KRABD1: variants seen among roughly 807,000 people sequenced by gnomAD.
KRABD1 encodes KRAB domain containing 1, also known as KRAB domain-containing protein 1.
At chr3:42,942,502 T>A in the KRABD1 span, 1 of 575,660 alleles carries the variant, frequency 1.7e-6, no homozygotes, top group Admixed American at 3.5e-5. Flanking sequence ...TGAAATATTT[T>A]AAGCTTACAG....
At chr3:42,937,411 C>G in the KRABD1 span, 1 of 152,198 alleles carries the variant, frequency 6.6e-6, no homozygotes, top group African/African-American at 2.4e-5. Flanking sequence ...AGATTGTCAG[C>G]TGTGCAGATC....
At chr3:42,942,094 TCTC>T in the KRABD1 span, 1 of 1,456,312 alleles carries the variant, frequency 6.9e-7, no homozygotes, top group Non-Finnish European at 9.3e-7. Flanking sequence ...AGAGGGTTCT[TCTC>T]CAGCTTTGTC....
At chr3:42,941,280 A>T in the KRABD1 span, 1 of 1,594,356 alleles carries the variant, frequency 6.3e-7, no homozygotes, top group Non-Finnish European at 8.5e-7. Context: ...GGAATGGGCC[A>T]TCATGGTGCC....
chr3:42,942,036 T>TC, the KRABD1 span: 1 of 1,535,572 alleles, frequency 6.5e-7, no homozygotes, highest in Non-Finnish European at 8.7e-7. Context: ...CCACAGGGAG[T>TC]CCTAAGCAGG....
the KRABD1 span, chr3:42,942,764 C>T: frequency 2.6e-6 from 1 of 391,954 alleles, no homozygotes; most frequent in Non-Finnish European, 4.5e-6. Context: ...GTTTTTCATT[C>T]ATTAAAATAA....
the KRABD1 span, chr3:42,938,351 T>C: frequency 6.6e-6 from 1 of 152,382 alleles, no homozygotes; most frequent in Non-Finnish European, 1.5e-5. Context: ...TGTTCAACTT[T>C]CATTACTTCA....
At chr3:42,940,356 A>G in the KRABD1 span, among the ~76,000 whole-genome samples, 5 of 152,238 alleles carry the variant, frequency 3.3e-5, no homozygotes, top group East Asian at 3.8e-4. Context: ...CCAGTATTCC[A>G]TGACACTCAC....
At chr3:42,941,900 A>T in the KRABD1 span, 1 of 1,080,812 alleles carries the variant, frequency 9.3e-7, no homozygotes, top group Non-Finnish European at 1.4e-6. Flanking sequence ...CCACAGGCTT[A>T]AATTTGACCC....
chr3:42,938,971 G>GT, the KRABD1 span: 1 of 1,457,076 alleles, frequency 6.9e-7, no homozygotes, highest in Non-Finnish European at 9.2e-7. Context: ...ATCCCTGTGT[G>GT]TATATACATA....
chr3:42,937,344 T>C, the KRABD1 span: 1 of 152,346 alleles, frequency 6.6e-6, no homozygotes, highest in African/African-American at 2.4e-5. Flanking sequence ...GGGAGTGTTT[T>C]GTGTTTTGTA....
the KRABD1 span, among the ~76,000 whole-genome samples, chr3:42,940,963 G>C: frequency 6.6e-6 from 1 of 152,322 alleles, no homozygotes; most frequent in African/African-American, 2.4e-5. Flanking sequence ...CAGCTTCAGC[G>C]TCTGTGGAGG....
At chr3:42,942,045 G>A in the KRABD1 span, 2 of 1,535,976 alleles carry the variant, frequency 1.3e-6, no homozygotes, top group Middle Eastern at 1.7e-4. Flanking sequence ...GTCCTAAGCA[G>A]GAATGACTGG....
At chr3:42,939,450 C>T in the KRABD1 span, among the ~76,000 whole-genome samples, 1 of 152,118 alleles carries the variant, frequency 6.6e-6, no homozygotes, top group Admixed American at 6.5e-5. Flanking sequence ...GATAATAGCA[C>T]ATTTTATTCA....
chr3:42,942,105 G>A, the KRABD1 span: 1 of 1,397,922 alleles, frequency 7.2e-7, no homozygotes, highest in South Asian at 1.2e-5. Flanking sequence ...CTCCAGCTTT[G>A]TCTCTTCCTT....
chr3:42,942,273 A>G, the KRABD1 span, among the ~76,000 whole-genome samples: 6 of 152,066 alleles, frequency 3.9e-5, no homozygotes, highest in African/African-American at 1.4e-4. Flanking sequence ...TGTATTTCAC[A>G]CACTGGGATG....
chr3:42,941,573 A>G, the KRABD1 span, among the ~76,000 whole-genome samples: 1 of 152,058 alleles, frequency 6.6e-6, no homozygotes, highest in Admixed American at 6.6e-5. Flanking sequence ...GGCTTGAGCT[A>G]TATCTTGATA....
the KRABD1 span, chr3:42,939,052 A>G: frequency 2.1e-5 from 14 of 657,044 alleles, no homozygotes; most frequent in African/African-American, 1.6e-4. Context: ...ACTTTTATAT[A>G]TGTGTGTATG....
chr3:42,941,276 G>C, the KRABD1 span: 2 of 1,592,344 alleles, frequency 1.3e-6, no homozygotes, highest in Non-Finnish European at 1.7e-6. Context: ...CGAAGGAATG[G>C]GCCATCATGG....
the KRABD1 span, among the ~76,000 whole-genome samples, chr3:42,939,468 G>A: frequency 2.0e-5 from 3 of 152,064 alleles, no homozygotes; most frequent in African/African-American, 7.2e-5. Flanking sequence ...TCATTCTATT[G>A]TGGATGGACT....
Sources: gnomAD v4.1 joint callset for allele counts (sites outside exome capture counted in the v4.1 genomes callset) on GRCh38, gnomAD v4.1.1 for gene constraint, MANE v1.5 for transcripts, NCBI Gene and HGNC (gene_info 2026-07-23, HGNC 2026-07-21) for gene names.